Variants in CREM observed in about 807,000 individuals in gnomAD.
The protein encoded by CREM is cAMP-responsive element modulator.
Under a neutral mutation model 37.3 loss-of-function variants are expected in CREM, and 13 were observed. The ratio of observed to expected loss-of-function variants is 0.35; its 90% CI spans 0.23 to 0.55. The LOEUF is 0.55. Ranked by LOEUF, CREM falls within the 20% of genes least tolerant of loss-of-function variation. The probability of loss-of-function intolerance (pLI) is 0.88; values close to 1 mark genes in which losing one functional copy is unlikely to be tolerated. For synonymous variants in CREM, 124 were observed against 120.2 expected (o/e 1.03, Z -0.21); for missense variants, 296 against 362.3 (o/e 0.82, Z 1.49).
chr10:35,195,870 ATGT>A, intron 6 of CREM: 3 of 589,872 alleles, frequency 5.1e-6, no homozygotes, highest in Admixed American at 3.1e-5. Flanking sequence ...GCTCCGAGTC[ATGT>A]TGTGATTTAG....
intron 2 of CREM, among the ~76,000 whole-genome samples, chr10:35,148,153 A>C (rs2092309901): frequency 6.6e-6 from 1 of 152,226 alleles, no homozygotes. Flanking sequence ...ATTTTATACA[A>C]TATTTTTAAT....
At position 35,208,190 on chromosome 10, in the gene CREM, A is replaced by C. The variant is rs2095580755; in HGVS notation, c.755+1139A>C. Among the ~76,000 whole-genome samples the C allele has an allele frequency of 3.9e-5, 6 of 152,180 alleles. No homozygotes were observed. In the South Asian group the frequency reaches 1.2e-3, roughly 31 times the overall value. ...ATACATATTTAATCTGATAAATTCTAGTCAAGTGCAAATACAAAATAACAA... is the reference window on the plus strand; with the variant it reads ...ATACATATTTAATCTGATAAATTCTCGTCAAGTGCAAATACAAAATAACAA... On this transcript the variant is annotated intron_variant, in intron 7 of 7. Transcript: ENST00000685392.
rs573960475 is a variant in CREM, at chr10:35,197,543, C to T, written c.598+9155C>T. On this transcript the variant is annotated intron_variant, in intron 6 of 7. Coordinates refer to ENST00000685392, the MANE Select transcript of CREM (RefSeq NM_183011.2). ...TCTTGGCTCACTGCAAGCTCGGCCTCCCGGGTTCACGCCATTCTCCTGCCT... is the reference window on the plus strand; with the variant it reads ...TCTTGGCTCACTGCAAGCTCGGCCTTCCGGGTTCACGCCATTCTCCTGCCT... Among the ~76,000 whole-genome samples, 578 of 152,078 alleles carry T rather than the reference C, an allele frequency of 3.8e-3. 5 individuals carry two copies. The highest frequency in any genetic ancestry group is 0.013 in the African/African-American group (544 of 41,502).
Position 35,137,778 on chromosome 10 carries a change from G to C in CREM, c.-54-4G>C. The C allele has an allele frequency of 7.4e-7, 1 of 1,351,044 alleles. No homozygotes were observed. Among genetic ancestry groups the C allele is most frequent in the Non-Finnish European group, 1.0e-6 (1 of 988,340 alleles). 83.7% of individuals were successfully genotyped at this position (1,351,044 alleles called of 1,614,324 possible). ...CCCAATTCAACATTATAATTTTACT[G>C]CAGGATAAATAAAGAAAACAGGAAA... On this transcript the variant is annotated splice_polypyrimidine_tract_variant and splice_region_variant and intron_variant, in intron 1 of 7. Transcript: ENST00000685392.
intron 3 of CREM, 155 bp downstream of exon 3, chr10:35,148,646 A>T (rs2135982200): frequency 1.2e-6 from 1 of 817,070 alleles, no homozygotes; most frequent in Non-Finnish European, 1.8e-6. Flanking sequence ...TACGTGTTGT[A>T]ATTAGCCTTG....
intron 1 of CREM, among the ~76,000 whole-genome samples, chr10:35,133,541 CACTCA>C (rs1269910628): frequency 2.6e-5 from 4 of 152,106 alleles, no homozygotes; most frequent in Admixed American, 1.3e-4. Flanking sequence ...TCATGTAATC[CACTCA>C]ACTTGGCCTC....
chr10:35,128,979 A>G (rs992883871), intron 1 of CREM, among the ~76,000 whole-genome samples: 9 of 152,236 alleles, frequency 5.9e-5, no homozygotes, highest in African/African-American at 2.2e-4. Context: ...ATTAAAACTG[A>G]TGTTTAAAGA....
chr10:35,203,426 G>C (rs920910763), intron 6 of CREM, among the ~76,000 whole-genome samples: 13 of 152,172 alleles, frequency 8.5e-5, no homozygotes, highest in African/African-American at 3.1e-4. Context: ...GGGCGCAGTG[G>C]CTCACGCCTG....
intron 2 of CREM, among the ~76,000 whole-genome samples, chr10:35,146,329 T>C (rs993161380): frequency 3.3e-5 from 5 of 152,254 alleles, no homozygotes; most frequent in African/African-American, 1.2e-4. Flanking sequence ...CAGATACTTT[T>C]AGAAAATGCT....
chr10:35,187,569 C>G (rs539822459), intron 5 of CREM, among the ~76,000 whole-genome samples: 1 of 152,062 alleles, frequency 6.6e-6, no homozygotes, highest in South Asian at 2.1e-4. Flanking sequence ...CTATATATTT[C>G]TTAAAAACTA....
intron 1 of CREM, among the ~76,000 whole-genome samples, chr10:35,134,491 A>G (rs1214182738): frequency 6.6e-6 from 1 of 152,226 alleles, no homozygotes; most frequent in Non-Finnish European, 1.5e-5. Flanking sequence ...TGCTGGGATT[A>G]CAGGGGTGAG....
chr10:35,173,125 T>C (rs2093899897), intron 3 of CREM, among the ~76,000 whole-genome samples: 1 of 152,244 alleles, frequency 6.6e-6, no homozygotes, highest in African/African-American at 2.4e-5. Flanking sequence ...AAATGAATAC[T>C]TCAGGATGTT....
At position 35,191,573 on chromosome 10, in the gene CREM, G is replaced by T. The variant is rs116851059; in HGVS notation, c.598+3185G>T. Among the ~76,000 whole-genome samples, 3 of 152,234 alleles carry T rather than the reference G, an allele frequency of 2.0e-5. No homozygotes were observed. The East Asian group carries it at 5.8e-4, about 29-fold the overall frequency. On this transcript the variant is annotated intron_variant, in intron 6 of 7. Coordinates refer to ENST00000685392, the MANE Select transcript of CREM (RefSeq NM_183011.2). Reference sequence around the variant, plus strand: ...TCCCTTCATCTCACTGAAGGGCCCTGTCAGCTTCTTTGTGGATTCTCAGTG... The same window carrying T: ...TCCCTTCATCTCACTGAAGGGCCCTTTCAGCTTCTTTGTGGATTCTCAGTG...
intron 1 of CREM, among the ~76,000 whole-genome samples, chr10:35,131,081 G>C (rs73260850): frequency 1.3e-5 from 2 of 152,142 alleles, no homozygotes; most frequent in African/African-American, 4.8e-5. Flanking sequence ...TGGTCAGGAA[G>C]GATGCTTACC....
At chr10:35,139,567 T>G (rs2091140512) in intron 2 of CREM, among the ~76,000 whole-genome samples, 2 of 152,228 alleles carry the variant, frequency 1.3e-5, no homozygotes, top group Non-Finnish European at 2.9e-5. Context: ...TTTTTAATTA[T>G]TTTGTAATTC....
intron 3 of CREM, among the ~76,000 whole-genome samples, chr10:35,162,532 A>T (rs1361870079): frequency 6.6e-6 from 1 of 152,114 alleles, no homozygotes; most frequent in African/African-American, 2.4e-5. Context: ...GATAAATGCA[A>T]TTTTTTCTGT....
intron 2 of CREM, among the ~76,000 whole-genome samples, chr10:35,145,364 T>C (rs1423883716): frequency 2.6e-5 from 4 of 152,108 alleles, no homozygotes; most frequent in Non-Finnish European, 4.4e-5. Context: ...GACCTGTCCT[T>C]TCTACCTGGT....
intron 1 of CREM, among the ~76,000 whole-genome samples, chr10:35,128,526 CTTT>C (rs35809404): frequency 1.1e-4 from 14 of 128,964 alleles, no homozygotes; most frequent in Non-Finnish European, 9.8e-5. Context: ...TTTTCCTAGT[CTTT>C]TTTTTTTTTT....
intron 3 of CREM, among the ~76,000 whole-genome samples, chr10:35,165,161 A>G (rs890137086): frequency 4.6e-5 from 7 of 152,078 alleles, no homozygotes; most frequent in Non-Finnish European, 1.0e-4. Flanking sequence ...CAGGCTGCAC[A>G]AGAAGCATGG....
Sources: gnomAD v4.1 joint callset for allele counts (sites outside exome capture counted in the v4.1 genomes callset) on GRCh38, gnomAD v4.1.1 for gene constraint, MANE v1.5 for transcripts, NCBI Gene and HGNC (gene_info 2026-07-23, HGNC 2026-07-21) for gene names.